The following NAALADL2 variants were observed in gnomAD, a reference collection of about 807,000 sequenced individuals.
NAALADL2 encodes N-acetylated alpha-linked acidic dipeptidase like 2.
Under a neutral mutation model 87.2 loss-of-function variants are expected in NAALADL2, and 76 were observed. The ratio of observed to expected loss-of-function variants is 0.87; its 90% confidence interval spans 0.72 to 1.05. NAALADL2 has a LOEUF of 1.05. Among genes scored for constraint, NAALADL2 ranks in the 50% least tolerant of loss-of-function variants. The pLI is 0.00. For missense variants in NAALADL2, 1,089 were observed against 945.8 expected (o/e 1.15, Z -1.99); for synonymous variants, 354 against 331.0 (o/e 1.07, Z -0.75).
chr3:175,304,290 CCTT>C (rs1321435958), intron 4 of NAALADL2, among the ~76,000 whole-genome samples: 1 of 152,118 alleles, frequency 6.6e-6, no homozygotes, highest in Non-Finnish European at 1.5e-5. Context: ...TGGATACTCT[CCTT>C]CTTTTCAACT....
intron 6 of NAALADL2, among the ~76,000 whole-genome samples, chr3:175,459,576 C>G (rs763075123): frequency 6.6e-6 from 1 of 151,568 alleles, no homozygotes; most frequent in Non-Finnish European, 1.5e-5. Flanking sequence ...AAAAACCACA[C>G]GTATATATTT....
chr3:175,494,498 C>T (rs1218571285), intron 9 of NAALADL2, among the ~76,000 whole-genome samples: 1 of 152,104 alleles, frequency 6.6e-6, no homozygotes, highest in East Asian at 1.9e-4. Flanking sequence ...CTTTCAACAG[C>T]TCTGAGATCA....
chr3:175,206,269 T>A (rs1214556218), intron 2 of NAALADL2, among the ~76,000 whole-genome samples: 4 of 98,550 alleles, frequency 4.1e-5, no homozygotes, highest in African/African-American at 1.4e-4. Flanking sequence ...TATATTTTTT[T>A]TTTTCACTGT....
intron 13 of NAALADL2, among the ~76,000 whole-genome samples, chr3:175,775,608 T>A (rs887326871): frequency 1.6e-4 from 25 of 152,244 alleles, no homozygotes; most frequent in African/African-American, 5.5e-4. Context: ...CTCTTTCAAG[T>A]CTCATTAGAT....
At chr3:175,173,308 TA>T (rs11286255) in intron 2 of NAALADL2, among the ~76,000 whole-genome samples, 40,023 of 123,652 alleles carry the variant, frequency 0.32, 6,123 homozygotes, top group South Asian at 0.38. Context: ...AATAAATAAA[TA>T]AAATAAATAA....
At chr3:174,824,136 T>C (rs867396627) in intron 3 of NAALADL2, among the ~76,000 whole-genome samples, 19 of 152,334 alleles carry the variant, frequency 1.2e-4, no homozygotes, top group African/African-American at 4.6e-4. Flanking sequence ...GCTTACACTT[T>C]ATTAGGATCA....
Position 175,725,958 on chromosome 3 carries a change from G to A in NAALADL2, c.1897-11348G>A, listed in dbSNP as rs529020644. The stretch of plus-strand genomic sequence containing the variant: ...ATGAAGATTCTTAATTTGTCAATCA[G>A]CACATGCAGATTACTACTAAACATA... On this transcript the variant is annotated intron_variant, in intron 11 of 13. Transcript: ENST00000454872. Among the ~76,000 whole-genome samples the A allele has an allele frequency of 6.6e-5, 10 of 152,144 alleles. No homozygotes were observed. The East Asian group carries it at 1.9e-3, about 29-fold the overall frequency.
intron 13 of NAALADL2, among the ~76,000 whole-genome samples, chr3:175,760,762 A>C (rs1747896136): frequency 6.6e-6 from 1 of 152,180 alleles, no homozygotes; most frequent in African/African-American, 2.4e-5. Context: ...TTTTGCCATT[A>C]GATCCTTTTT....
chr3:174,957,135 G>C (rs1208066053), intron 1 of NAALADL2, among the ~76,000 whole-genome samples: 1 of 151,872 alleles, frequency 6.6e-6, no homozygotes, highest in East Asian at 1.9e-4. Context: ...GATAACAAAA[G>C]GCGACAAGCA....
At chr3:175,195,475 T>C (rs1738850043) in intron 2 of NAALADL2, among the ~76,000 whole-genome samples, 1 of 151,688 alleles carries the variant, frequency 6.6e-6, no homozygotes, top group Non-Finnish European at 1.5e-5. Flanking sequence ...TATGTAAAGG[T>C]AGATATATAG....
chr3:174,619,123 A>T (rs1252778910), intron 2 of NAALADL2, among the ~76,000 whole-genome samples: 3 of 151,924 alleles, frequency 2.0e-5, no homozygotes, highest in Non-Finnish European at 2.9e-5. Context: ...AATTAGATTT[A>T]TGTCAGTTTT....
At position 174,894,594 on chromosome 3, in the gene NAALADL2, C is replaced by CAAAAAAAAAAAAAAAAAAAAA. The variant is rs869161862; in HGVS notation, c.43+35173_43+35193dup. Among the ~76,000 whole-genome samples, 9 of 48,476 alleles carry CAAAAAAAAAAAAAAAAAAAAA rather than the reference C, an allele frequency of 1.9e-4. 1 individual carries two copies. Among genetic ancestry groups the CAAAAAAAAAAAAAAAAAAAAA allele is most frequent in the East Asian group, 1.0e-3 (2 of 1,934 alleles). 31.8% of individuals were successfully genotyped at this position (48,476 alleles called of 152,430 possible). On this transcript the variant is annotated intron_variant, in intron 1 of 13. Transcript: ENST00000454872. ...GGGCAAAAAGAGTGAAACTCCGTCTCAAAAAAAAAAAAAAAAAAAAAAAAA... is the reference window on the plus strand; with the variant it reads ...GGGCAAAAAGAGTGAAACTCCGTCTCAAAAAAAAAAAAAAAAAAAAAAAAAAAAAAAAAAAAAAAAAAAAAA...
At chr3:175,730,443 T>TATATATAC (rs1387585623) in intron 11 of NAALADL2, among the ~76,000 whole-genome samples, 6 of 64,504 alleles carry the variant, frequency 9.3e-5, no homozygotes, top group Admixed American at 4.7e-4. Context: ...TATATATATA[T>TATATATAC]ACACACATAC....
intron 1 of NAALADL2, among the ~76,000 whole-genome samples, chr3:175,019,686 G>A (rs900381443): frequency 6.6e-6 from 1 of 152,024 alleles, no homozygotes; most frequent in Non-Finnish European, 1.5e-5. Flanking sequence ...CCTCTGGAAT[G>A]CCGTTAAGCA....
intron 1 of NAALADL2, among the ~76,000 whole-genome samples, chr3:174,527,491 C>A (rs1720871063): frequency 6.6e-6 from 1 of 150,846 alleles, no homozygotes; most frequent in Middle Eastern, 3.2e-3. Context: ...TGCACTCTAG[C>A]CTGGGCAACA....
chr3:175,262,322 C>T (rs1452781721), intron 4 of NAALADL2, among the ~76,000 whole-genome samples: 1 of 151,702 alleles, frequency 6.6e-6, no homozygotes, highest in Non-Finnish European at 1.5e-5. Context: ...TTTTTGTTTC[C>T]CTTAAGAACA....
rs151191196 is a variant in NAALADL2 at position 175,187,367 on chromosome 3, C to T, written c.546-46564C>T. 3.9e-3 allele frequency among the ~76,000 whole-genome samples: 587 copies of T among 152,232 alleles called. 3 individuals carry two copies. Among genetic ancestry groups the T allele is most frequent in the African/African-American group, 0.014 (563 of 41,560 alleles). The stretch of plus-strand genomic sequence containing the variant: ...TGACTCAAGGGTGTTTATTTCCTAT[C>T]GTTGTCGATTCCAGCATTTACATTT... On this transcript the variant is annotated intron_variant, in intron 2 of 13. Coordinates refer to ENST00000454872, the MANE Select transcript of NAALADL2 (RefSeq NM_207015.3).
chr3:175,384,493 T>C (rs941283009), intron 5 of NAALADL2, among the ~76,000 whole-genome samples: 7 of 152,056 alleles, frequency 4.6e-5, no homozygotes, highest in Admixed American at 4.6e-4. Context: ...ACTTTATCAT[T>C]ATAAATTAGG....
chr3:175,506,094 CTA>C (rs1730271586), intron 9 of NAALADL2, among the ~76,000 whole-genome samples: 1 of 152,058 alleles, frequency 6.6e-6, no homozygotes, highest in Non-Finnish European at 1.5e-5. Flanking sequence ...CCTCAAGACA[CTA>C]AAATTATGAG....
Sources: gnomAD v4.1 joint callset for allele counts (sites outside exome capture counted in the v4.1 genomes callset) on GRCh38, gnomAD v4.1.1 for gene constraint, MANE v1.5 for transcripts, NCBI Gene and HGNC (gene_info 2026-07-23, HGNC 2026-07-21) for gene names.